STK17B: variants seen among roughly 807,000 people sequenced by gnomAD.
STK17B encodes serine/threonine kinase 17b, also known as serine/threonine-protein kinase 17B.
Under a neutral mutation model 42.0 loss-of-function variants are expected in STK17B, and 21 were observed. That is an observed-to-expected ratio of 0.50 (90% CI 0.35 to 0.72). The LOEUF is 0.72. Ranked by LOEUF, STK17B falls within the 30% of genes least tolerant of loss-of-function variation. STK17B has a pLI of 0.00. For synonymous variants in STK17B, 143 were observed against 148.4 expected, an observed-to-expected ratio of 0.96 and a Z score of 0.26; for missense variants, 349 against 446.0, an observed-to-expected ratio of 0.78 and a Z score of 1.96.
chr2:196,163,261 C>A lies in STK17B; in HGVS notation c.122+1G>T. ...GCATACACGTCATATGGTTTTCTTA[C>A]CTCCCTAGCTCTTTAGATGTAAGTA... On this transcript the variant is annotated splice_donor_variant, in intron 2 of 7. Coordinates refer to ENST00000263955, the MANE Select transcript of STK17B (RefSeq NM_004226.4). LOFTEE classifies it high-confidence loss of function. 2 of 1,608,848 alleles carry A rather than the reference C, an allele frequency of 1.2e-6. No individual in the cohort carries two copies. The highest frequency in any genetic ancestry group is 8.5e-7 in the Non-Finnish European group (1 of 1,178,644).
At chr2:196,167,616 C>T (rs1699888992) in intron 1 of STK17B, among the ~76,000 whole-genome samples, 1 of 152,194 alleles carries the variant, frequency 6.6e-6, no homozygotes, top group Admixed American at 6.5e-5. Context: ...TTGTCATATA[C>T]TATAATGTAA....
Position 196,143,560 on chromosome 2 carries a change from C to A in STK17B, c.607G>T (p.Ala203Ser). The A allele has an allele frequency of 6.3e-7, 1 of 1,588,154 alleles. No individual in the cohort carries two copies. Among genetic ancestry groups the A allele is most frequent in the Non-Finnish European group, 8.5e-7 (1 of 1,171,092 alleles). The change falls in exon 5 of 8, where the codon GCT (alanine) becomes TCT (serine). Residue 203 changes from alanine to serine, a missense_variant and splice_region_variant. By Grantham distance (99) the Ala-to-Ser change is moderately conservative (BLOSUM62 1). Around this residue, in one of 3 missense-constraint regions of STK17B, gnomAD observed 256 missense variants for 347.7 expected, o/e 0.74. Transcript: ENST00000263955. ...REIMGTPEYL[A>S]PEILNYDPIT... The stretch of plus-strand genomic sequence containing the variant: ...ATAGAAAATAAAAGGAAATTCTTAC[C>A]TAAATATTCTGGTGTTCCCATGATT...
At chr2:196,158,674 T>TA (rs1699771692) in intron 2 of STK17B, among the ~76,000 whole-genome samples, 2 of 152,220 alleles carry the variant, frequency 1.3e-5, no homozygotes, top group Non-Finnish European at 2.9e-5. Context: ...TGTGAATTCC[T>TA]AACTTTCTGT....
At chr2:196,160,782 T>C (rs1297878215) in intron 2 of STK17B, among the ~76,000 whole-genome samples, 2 of 152,188 alleles carry the variant, frequency 1.3e-5, no homozygotes, top group Non-Finnish European at 1.5e-5. Flanking sequence ...AATGGGAATT[T>C]AGCAATCAAT....
chr2:196,143,739 G>T, intron 4 of STK17B, 53 bp from the exon 5 acceptor site: 1 of 1,375,442 alleles, frequency 7.3e-7, no homozygotes, highest in Non-Finnish European at 9.6e-7. Context: ...AAGCATACTA[G>T]TCTCAGATGG....
Position 196,139,756 on chromosome 2 carries a change from G to A in STK17B, c.700C>T (p.Pro234Ser), listed in dbSNP as rs765908410. Reference protein sequence around the residue: ...IAYMLLTHTSPFVGEDNQETY... With the variant: ...IAYMLLTHTSSFVGEDNQETY... ...TCTTGATTATCTTCTCCCACAAATGGTGATGTGTGAGTTAACAACATATAT... is the reference window on the plus strand; with the variant it reads ...TCTTGATTATCTTCTCCCACAAATGATGATGTGTGAGTTAACAACATATAT... Residue 234 changes from proline to serine, a missense_variant, in exon 7 of 8, where the codon CCA (proline) becomes TCA (serine). Physicochemically the swap from Pro to Ser is moderately conservative, Grantham distance 74. Around this residue, in one of 3 missense-constraint regions of STK17B, gnomAD observed 256 missense variants for 347.7 expected, o/e 0.74. Transcript: ENST00000263955. The A allele has an allele frequency of 2.8e-6, 4 of 1,441,730 alleles. No homozygotes were observed. The highest frequency in any genetic ancestry group is 2.7e-6 in the Non-Finnish European group (3 of 1,093,032). 89.3% of individuals were successfully genotyped at this position (1,441,730 alleles called of 1,614,324 possible). A position where few individuals can be genotyped will look rare whatever the true frequency, so the allele number is the denominator to read the frequency against.
intron 1 of STK17B, among the ~76,000 whole-genome samples, chr2:196,170,157 AAC>A (rs1321120871): frequency 2.6e-5 from 4 of 151,750 alleles, no homozygotes; most frequent in African/African-American, 9.7e-5. Flanking sequence ...AAAACTAAAA[AAC>A]AGTGTTATCA....
intron 2 of STK17B, among the ~76,000 whole-genome samples, chr2:196,162,704 C>A (rs929458028): frequency 6.6e-6 from 1 of 151,602 alleles, no homozygotes; most frequent in African/African-American, 2.4e-5. Context: ...TGGAGACCAG[C>A]CTGGGCAACA....
At chr2:196,160,087 A>G (rs928263040) in intron 2 of STK17B, among the ~76,000 whole-genome samples, 10 of 152,216 alleles carry the variant, frequency 6.6e-5, no homozygotes, top group Non-Finnish European at 8.8e-5. Context: ...TCTATTCCAA[A>G]TGTAATTGAA....
chr2:196,161,868 C>T (rs16846038), intron 2 of STK17B, among the ~76,000 whole-genome samples: 5,466 of 152,008 alleles, frequency 0.036, 314 homozygotes, highest in African/African-American at 0.12. Flanking sequence ...ACATCTGCAA[C>T]GTGAAAAAGC....
chr2:196,166,733 G>T (rs1699878280), intron 1 of STK17B, among the ~76,000 whole-genome samples: 1 of 152,062 alleles, frequency 6.6e-6, no homozygotes, highest in Non-Finnish European at 1.5e-5. Flanking sequence ...GGCTTGATCT[G>T]GGCCTTCACT....
At chr2:196,169,726 T>C (rs1699915298) in intron 1 of STK17B, among the ~76,000 whole-genome samples, 1 of 152,230 alleles carries the variant, frequency 6.6e-6, no homozygotes, top group Admixed American at 6.5e-5. Context: ...AAACGCATTC[T>C]ATCTTAACCA....
At chr2:196,171,202 G>A (rs1254732097) in intron 1 of STK17B, 131 bp downstream of exon 1, 3 of 152,230 alleles carry the variant, frequency 2.0e-5, no homozygotes, top group African/African-American at 7.2e-5. Context: ...CGGAGTCCAA[G>A]CCCCTCTCAG....
At position 196,136,126 on chromosome 2, in the gene STK17B, ATTTCTTC is replaced by A. The variant is rs1384836140; in HGVS notation, c.*1314_*1320del. 1 of 152,192 alleles carries A rather than the reference ATTTCTTC, an allele frequency of 6.6e-6. No individual in the cohort carries two copies. Among genetic ancestry groups the A allele is most frequent in the East Asian group, 1.9e-4 (1 of 5,204 alleles). The allele number at this position is 152,192 out of a possible 1,614,324, so 9.4% of individuals were successfully genotyped here. On this transcript the variant is annotated 3_prime_UTR_variant, in exon 8 of 8. Coordinates refer to ENST00000263955, the MANE Select transcript of STK17B (RefSeq NM_004226.4). ...GGTTGTTGTTACCATTTGTCAAACT[ATTTCTTC>A]TGATACAGCAACATGGTCATGAGAT... is the stretch of plus-strand genomic sequence containing the variant.
chr2:196,156,778 CTT>C, intron 2 of STK17B, 127 bp from the exon 3 acceptor site: 1 of 739,202 alleles, frequency 1.4e-6, no homozygotes, highest in East Asian at 2.6e-5. Flanking sequence ...AGGAATTTAT[CTT>C]TGTTCTCTAA....
At chr2:196,175,815 A>G (rs55774725), upstream of STK17B, among the ~76,000 whole-genome samples, 12,228 of 152,224 alleles carry the variant, frequency 0.08, 636 homozygotes, top group Middle Eastern at 0.2. Flanking sequence ...AATTGTGTCT[A>G]AATTTCCAGT....
intron 2 of STK17B, among the ~76,000 whole-genome samples, chr2:196,162,049 A>C (rs1409137732): frequency 6.6e-6 from 1 of 152,182 alleles, no homozygotes; most frequent in Non-Finnish European, 1.5e-5. Context: ...TTTAACATAC[A>C]ACAAAACATT....
chr2:196,170,242 C>T (rs569274062), intron 1 of STK17B, among the ~76,000 whole-genome samples: 2 of 152,284 alleles, frequency 1.3e-5, no homozygotes, highest in African/African-American at 4.8e-5. Context: ...ACATACGCTG[C>T]CACTCATTTC....
chr2:196,140,631 C>G (rs1458398908), intron 6 of STK17B, among the ~76,000 whole-genome samples: 4 of 117,606 alleles, frequency 3.4e-5, no homozygotes, highest in East Asian at 2.8e-4. Context: ...ATAGCATGAT[C>G]TTGGCTCACT....
Sources: gnomAD v4.1 joint callset for allele counts (sites outside exome capture counted in the v4.1 genomes callset) on GRCh38, gnomAD v4.1.1 for gene constraint, gnomAD v4.1.1 regional missense constraint, MANE v1.5 for transcripts, NCBI Gene and HGNC (gene_info 2026-07-23, HGNC 2026-07-21) for gene names.